The following UST variants were observed in gnomAD, a reference collection of about 807,000 sequenced individuals.
UST encodes uronyl 2-sulfotransferase.
UST carries 21 observed loss-of-function variants against 45.6 expected under a neutral mutation model. That is an observed-to-expected ratio of 0.46 (90% confidence interval 0.33 to 0.66). The LOEUF is 0.66. UST is among the 30% of genes least tolerant of loss of function. UST has a pLI of 0.02. For missense variants in UST, 463 were observed against 512.4 expected, an observed-to-expected ratio of 0.90 and a Z score of 0.93; for synonymous variants, 215 against 200.6, an observed-to-expected ratio of 1.07 and a Z score of -0.61.
chr6:149,048,849 A>C (rs6914925), intron 7 of UST, among the ~76,000 whole-genome samples: 53,863 of 152,076 alleles, frequency 0.35, 10,037 homozygotes, highest in African/African-American at 0.42. Context: ...TTATGTGAAC[A>C]AACACTGAGC....
rs896254325 is a variant in UST, at chr6:148,747,443, C to A, written c.13C>A (p.Gln5Lys). The A allele has an allele frequency of 3.4e-5, 49 of 1,421,796 alleles. No individual in the cohort carries two copies. Among genetic ancestry groups the A allele is most frequent in the Non-Finnish European group, 4.2e-5 (46 of 1,085,622 alleles). The allele number at this position is 1,421,796 out of a possible 1,614,324, so 88.1% of individuals were successfully genotyped here. A position where few individuals can be genotyped will look rare whatever the true frequency, so the allele number is the denominator to read the frequency against. Residue 5 changes from glutamine (Q) to lysine (K), a missense_variant, in exon 1 of 8, where the codon CAG becomes AAG. By Grantham distance (53) the Gln-to-Lys change is moderately conservative. Coordinates refer to ENST00000367463, the MANE Select transcript of UST (RefSeq NM_005715.3). ...AGCGGAGCAGGCGATGAAGAAGAAGCAGCAGCATCCCGGCGGCGGCGCGGA... is the reference window on the plus strand; with the variant it reads ...AGCGGAGCAGGCGATGAAGAAGAAGAAGCAGCATCCCGGCGGCGGCGCGGA... MKKK[Q>K]QHPGGGADPW...
chr6:148,814,083 T>C (rs368578207), intron 1 of UST, among the ~76,000 whole-genome samples: 1 of 152,208 alleles, frequency 6.6e-6, no homozygotes, highest in East Asian at 1.9e-4. Context: ...GCACCTTCCA[T>C]GTTATGGGCG....
intron 1 of UST, among the ~76,000 whole-genome samples, chr6:148,809,755 T>G (rs1777220462): frequency 2.0e-5 from 3 of 152,350 alleles, no homozygotes; most frequent in African/African-American, 2.4e-5. Context: ...GTCTCAGGGT[T>G]GGAAGACACC....
intron 1 of UST, among the ~76,000 whole-genome samples, chr6:148,857,762 CAA>C (rs35774834): frequency 1.2e-4 from 14 of 120,434 alleles, no homozygotes; most frequent in Non-Finnish European, 1.4e-4. Flanking sequence ...GTCTCCATCT[CAA>C]AAAAAAAAAA....
intron 2 of UST, among the ~76,000 whole-genome samples, chr6:148,904,006 A>G (rs1187152185): frequency 1.3e-5 from 2 of 152,204 alleles, no homozygotes; most frequent in African/African-American, 4.8e-5. Flanking sequence ...AATAACCAAA[A>G]TGATCTTGGG....
At chr6:148,982,561 A>G (rs1053319146) in intron 5 of UST, among the ~76,000 whole-genome samples, 2 of 152,208 alleles carry the variant, frequency 1.3e-5, no homozygotes, top group Non-Finnish European at 1.5e-5. Context: ...TATCCTCAGC[A>G]AAGTTAATTG....
chr6:148,833,387 T>A (rs1777726663), intron 1 of UST, among the ~76,000 whole-genome samples: 1 of 152,084 alleles, frequency 6.6e-6, no homozygotes, highest in Non-Finnish European at 1.5e-5. Flanking sequence ...CTTGGGAGAA[T>A]GAGTTGGGAG....
intron 1 of UST, among the ~76,000 whole-genome samples, chr6:148,799,242 C>G (rs1011457321): frequency 6.6e-6 from 1 of 152,138 alleles, no homozygotes. Flanking sequence ...GGGCAGGCAT[C>G]CCAGGTTAAG....
chr6:149,048,188 G>C (rs1207343307), intron 7 of UST, among the ~76,000 whole-genome samples: 1 of 151,662 alleles, frequency 6.6e-6, no homozygotes, highest in African/African-American at 2.4e-5. Context: ...GTTTTTTGGG[G>C]GGATGGGGTT....
chr6:148,922,512 G>A (rs1418221833), intron 2 of UST, among the ~76,000 whole-genome samples: 2 of 141,394 alleles, frequency 1.4e-5, no homozygotes, highest in Non-Finnish European at 3.0e-5. Context: ...TTTTTGAGTC[G>A]GAGTCTCGCT....
intron 2 of UST, among the ~76,000 whole-genome samples, chr6:148,897,338 T>G (rs1735550897): frequency 6.6e-6 from 1 of 151,630 alleles, no homozygotes; most frequent in African/African-American, 2.4e-5. Flanking sequence ...CAGCTAATTT[T>G]TATATTTTCA....
At chr6:148,918,528 C>T (rs570204627) in intron 2 of UST, among the ~76,000 whole-genome samples, 1 of 152,100 alleles carries the variant, frequency 6.6e-6, no homozygotes, top group Non-Finnish European at 1.5e-5. Context: ...TTTTATAGGG[C>T]CATCATCTTT....
intron 7 of UST, among the ~76,000 whole-genome samples, chr6:149,052,592 GTCTCTC>G (rs10545521): frequency 2.0e-4 from 30 of 149,792 alleles, no homozygotes; most frequent in Middle Eastern, 3.4e-3. Flanking sequence ...CTCTTAACTG[GTCTCTC>G]TCTCTCTCTC....
intron 2 of UST, among the ~76,000 whole-genome samples, chr6:148,929,603 A>G (rs1321696613): frequency 6.6e-6 from 1 of 152,192 alleles, no homozygotes; most frequent in Non-Finnish European, 1.5e-5. Flanking sequence ...CTCCATACCT[A>G]AGGACTTTTG....
At chr6:149,000,708 A>G (rs1432814271) in intron 5 of UST, among the ~76,000 whole-genome samples, 5 of 152,252 alleles carry the variant, frequency 3.3e-5, no homozygotes, top group Non-Finnish European at 7.3e-5. Context: ...AAGAATGAAT[A>G]GCTTCCATTT....
intron 1 of UST, among the ~76,000 whole-genome samples, chr6:148,870,393 C>T (rs1172239000): frequency 1.3e-5 from 2 of 152,154 alleles, no homozygotes; most frequent in African/African-American, 2.4e-5. Context: ...TGCCCCAATC[C>T]CTTTGGCATC....
intron 7 of UST, among the ~76,000 whole-genome samples, chr6:149,062,525 C>A (rs1776668993): frequency 1.3e-5 from 2 of 152,168 alleles, no homozygotes; most frequent in Admixed American, 1.3e-4. Flanking sequence ...AACATTTTTG[C>A]TGGCTTGCAA....
chr6:148,815,095 A>G, intron 1 of UST, among the ~76,000 whole-genome samples: 1 of 152,260 alleles, frequency 6.6e-6, no homozygotes, highest in East Asian at 1.9e-4. Context: ...GCAGCTATAA[A>G]CAAGATGCAC....
At chr6:148,764,853 G>A (rs1003162100) in intron 1 of UST, among the ~76,000 whole-genome samples, 4 of 152,110 alleles carry the variant, frequency 2.6e-5, no homozygotes, top group African/African-American at 7.2e-5. Flanking sequence ...GCAGAGAACC[G>A]GTCTGACTAG....
Sources: allele counts gnomAD v4.1 joint callset (sites outside exome capture counted in the v4.1 genomes callset), GRCh38; gene constraint gnomAD v4.1.1; transcripts MANE v1.5; gene names NCBI Gene and HGNC (gene_info 2026-07-23, HGNC 2026-07-21).